Variants in IGSF10 observed in about 807,000 individuals in gnomAD.
IGSF10 encodes calvaria mechanical force protein 608.
IGSF10 carries 126 observed loss-of-function variants against 128.2 expected under a neutral mutation model. That is an observed-to-expected ratio of 0.98 (90% CI 0.85 to 1.14). The LOEUF is 1.14. Among genes scored for constraint, IGSF10 ranks in the 50% most tolerant of loss-of-function variants. IGSF10 has a pLI of 0.00. For missense variants in IGSF10, 3,295 were observed against 3,149.8 expected (o/e 1.05, Z -1.10); for synonymous variants, 1,185 against 1,146.2 (o/e 1.03, Z -0.68).
chr3:151,443,714 G>T lies in IGSF10; in HGVS notation c.5233C>A (p.Pro1745Thr). 4.3e-6 allele frequency: 7 copies of T among 1,614,180 alleles called. No homozygotes were observed. The highest frequency in any genetic ancestry group is 5.9e-6 in the Non-Finnish European group (7 of 1,180,044). The change falls in exon 7 of 8, where the codon CCC (proline) becomes ACC (threonine). Residue 1745 changes from proline (P) to threonine (T), a missense_variant. Physicochemically the swap from Pro to Thr is conservative, Grantham distance 38 (BLOSUM62 -1). Coordinates refer to ENST00000282466, the MANE Select transcript of IGSF10 (RefSeq NM_178822.5). ...HVTLSVVSYP[P>T]RILERRTKEI... is the part of the protein sequence containing the mutation. Reference sequence around the variant, plus strand: ...TTGGTACGTCTCTCCAGGATCCTGGGAGGATAGGAAACCACAGACAAGGTG... The same window carrying T: ...TTGGTACGTCTCTCCAGGATCCTGGTAGGATAGGAAACCACAGACAAGGTG...
chr3:151,444,865 ATCT>A (rs1223699704), intron 6 of IGSF10, 51 bp downstream of exon 6: 27 of 1,483,504 alleles, frequency 1.8e-5, no homozygotes, highest in South Asian at 6.9e-5. Flanking sequence ...AAACATAACA[ATCT>A]TCTTCTTGTT....
the IGSF10 span, among the ~76,000 whole-genome samples, chr3:151,479,279 G>A: frequency 6.6e-6 from 1 of 151,950 alleles, no homozygotes; most frequent in African/African-American, 2.4e-5. Context: ...TGAGAAAAAT[G>A]GTTGGAAACT....
At chr3:151,496,559 T>G in the IGSF10 span, among the ~76,000 whole-genome samples, 7 of 61,484 alleles carry the variant, frequency 1.1e-4, no homozygotes, top group Non-Finnish European at 1.6e-4. Context: ...TTCCATGGTT[T>G]CCTTAATCCA....
chr3:151,577,757 A>G, the IGSF10 span, among the ~76,000 whole-genome samples: 1 of 152,050 alleles, frequency 6.6e-6, no homozygotes, highest in Non-Finnish European at 1.5e-5. Flanking sequence ...TCTTGAATGC[A>G]TCAGAGAGTT....
At chr3:151,512,112 A>G in the IGSF10 span, among the ~76,000 whole-genome samples, 1 of 152,188 alleles carries the variant, frequency 6.6e-6, no homozygotes, top group Non-Finnish European at 1.5e-5. Flanking sequence ...CACCAAGTGG[A>G]CCTAATAGAC....
chr3:151,464,813 C>T (rs972831846), upstream of IGSF10, among the ~76,000 whole-genome samples: 3 of 152,134 alleles, frequency 2.0e-5, no homozygotes, highest in African/African-American at 7.2e-5. Context: ...TGATAAGTGC[C>T]ATGAAGAGAC....
the IGSF10 span, among the ~76,000 whole-genome samples, chr3:151,521,106 A>G: frequency 6.6e-6 from 1 of 151,986 alleles, no homozygotes; most frequent in African/African-American, 2.4e-5. Context: ...CAGACTTCAA[A>G]CCAACAGAGA....
chr3:151,520,329 A>C, the IGSF10 span, among the ~76,000 whole-genome samples: 1 of 151,904 alleles, frequency 6.6e-6, no homozygotes, highest in Admixed American at 6.6e-5. Flanking sequence ...TATCTTGGCT[A>C]GGAAAGGATG....
At chr3:151,489,921 G>T in the IGSF10 span, among the ~76,000 whole-genome samples, 1 of 152,096 alleles carries the variant, frequency 6.6e-6, no homozygotes, top group South Asian at 2.1e-4. Context: ...CTATACCTAT[G>T]TAATGAACCT....
the IGSF10 span, among the ~76,000 whole-genome samples, chr3:151,477,449 A>G: frequency 6.6e-6 from 1 of 152,216 alleles, no homozygotes; most frequent in Admixed American, 6.5e-5. Context: ...TTGGATTTTA[A>G]GGATTTATCT....
At chr3:151,583,237 G>A in the IGSF10 span, among the ~76,000 whole-genome samples, 3 of 147,004 alleles carry the variant, frequency 2.0e-5, no homozygotes, top group Admixed American at 6.8e-5. Context: ...CTCTTTCTTG[G>A]GTTTAATTTG....
the IGSF10 span, among the ~76,000 whole-genome samples, chr3:151,530,582 T>TG: frequency 2.0e-5 from 3 of 152,068 alleles, no homozygotes; most frequent in African/African-American, 7.2e-5. Flanking sequence ...AAGAAGAGAA[T>TG]TTCAACCCAG....
the IGSF10 span, among the ~76,000 whole-genome samples, chr3:151,501,329 C>T: frequency 2.0e-5 from 3 of 152,024 alleles, no homozygotes; most frequent in Admixed American, 6.6e-5. Flanking sequence ...GTTTCTACTG[C>T]TCTTGTCAAA....
At chr3:151,618,776 TTAAAAA>T in the IGSF10 span, among the ~76,000 whole-genome samples, 1 of 148,902 alleles carries the variant, frequency 6.7e-6, no homozygotes, top group African/African-American at 2.4e-5. Flanking sequence ...AATTAAAAAA[TTAAAAA>T]TAAAAATAAA....
intron 5 of IGSF10, among the ~76,000 whole-genome samples, chr3:151,449,587 A>G (rs1328322861): frequency 2.0e-5 from 3 of 152,250 alleles, no homozygotes; most frequent in Non-Finnish European, 4.4e-5. Flanking sequence ...CTAGGGAAAC[A>G]AAATGATATG....
the IGSF10 span, among the ~76,000 whole-genome samples, chr3:151,549,057 C>T: frequency 6.6e-6 from 1 of 151,956 alleles, no homozygotes; most frequent in Non-Finnish European, 1.5e-5. Flanking sequence ...CTTGCATAGC[C>T]TCTGTTGCAT....
In IGSF10 at chr3:151,444,955, G is replaced by A; in HGVS notation, c.5026C>T (p.Pro1676Ser). The A allele has an allele frequency of 2.5e-6, 4 of 1,613,212 alleles. No individual in the cohort carries two copies. Among genetic ancestry groups the A allele is most frequent in the South Asian group, 2.2e-5 (2 of 90,776 alleles). The change falls in exon 6 of 8, where the codon CCC becomes TCC. Residue 1676 changes from proline to serine, a missense_variant. Transcript: ENST00000282466. ...AFLPCEAVGN[P>S]LPTIHWTRVP... ...CTGGTCCAATGAATGGTGGGCAGGG[G>A]ATTTCCAACAGCTTCACAGGGAAGA...
In IGSF10 at chr3:151,437,333, G is replaced by A. The variant is rs771354299; in HGVS notation, c.7228C>T (p.Arg2410Cys). The A allele has an allele frequency of 1.4e-5, 22 of 1,613,994 alleles. No homozygotes were observed. The highest frequency in any genetic ancestry group is 3.3e-5 in the South Asian group (3 of 91,080). ...KTTREDAGKY[R>C]CAARNKVGYI... is the part of the protein sequence containing the mutation. ...CCAACTTTATTCCTAGCTGCACAGCGATATTTTCCTGCATCCTCCCGAGTT... is the reference window on the plus strand; with the variant it reads ...CCAACTTTATTCCTAGCTGCACAGCAATATTTTCCTGCATCCTCCCGAGTT... The change falls in exon 8 of 8, where the codon CGC (arginine) becomes TGC (cysteine). Residue 2410 changes from arginine to cysteine, a missense_variant. Coordinates refer to ENST00000282466, the MANE Select transcript of IGSF10 (RefSeq NM_178822.5).
Position 151,453,581 on chromosome 3 carries a change from A to G in IGSF10, c.518T>C (p.Phe173Ser), listed in dbSNP as rs1334734559. ...NQLTKLHPDT[F>S]VSLSYLQIFK... ...TATCTGGAGGTAGCTCAAAGAGACA[A>G]ATGTATCTGGGTGGAGCTTAGTGAG... Residue 173 changes from phenylalanine to serine, a missense_variant, in exon 5 of 8, where the codon TTT becomes TCT. Phe to Ser is a radical substitution (Grantham distance 155). Coordinates refer to ENST00000282466, the MANE Select transcript of IGSF10 (RefSeq NM_178822.5). 4.3e-6 allele frequency: 7 copies of G among 1,613,736 alleles called. No homozygotes were observed. Among genetic ancestry groups the G allele is most frequent in the South Asian group, 3.3e-5 (3 of 91,066 alleles).
Sources: gnomAD v4.1 joint callset for allele counts (sites outside exome capture counted in the v4.1 genomes callset) on GRCh38, gnomAD v4.1.1 for gene constraint, MANE v1.5 for transcripts, NCBI Gene and HGNC (gene_info 2026-07-23, HGNC 2026-07-21) for gene names.